Variants in SLX4IP observed in about 807,000 individuals in gnomAD.
The protein encoded by SLX4IP is SLX4 interacting protein.
A neutral mutation model predicts 32.9 loss-of-function variants in SLX4IP; 34 were observed. The ratio of observed to expected loss-of-function variants is 1.03; its 90% CI spans 0.79 to 1.38. The LOEUF (loss-of-function observed/expected upper bound fraction) is 1.38. Among genes scored for constraint, SLX4IP ranks in the 40% most tolerant of loss-of-function variants. The probability of loss-of-function intolerance (pLI) is 0.00; values close to 1 mark genes in which losing one functional copy is unlikely to be tolerated. For synonymous variants in SLX4IP, 172 were observed against 171.7 expected, an observed-to-expected ratio of 1.00 and a Z score of -0.01; for missense variants, 444 against 479.0, an observed-to-expected ratio of 0.93 and a Z score of 0.68.
At chr20:10,612,866 T>A (rs1198679117) in intron 6 of SLX4IP, 2 of 153,406 alleles carry the variant, frequency 1.3e-5, no homozygotes, top group African/African-American at 4.8e-5. Context: ...TTTTTAATCA[T>A]CATGTTTTAC....
At chr20:10,486,455 T>C (rs150351513) in intron 2 of SLX4IP, among the ~76,000 whole-genome samples, 28 of 152,266 alleles carry the variant, frequency 1.8e-4, no homozygotes, top group African/African-American at 6.7e-4. Context: ...ATGGAACTGG[T>C]GTGCCAGGCT....
rs1647321137 is a variant in SLX4IP, at chr20:10,622,667, G to T, written c.515G>T (p.Arg172Ile). 2.5e-6 allele frequency: 4 copies of T among 1,606,778 alleles called. No homozygotes were observed. Among genetic ancestry groups the T allele is most frequent in the African/African-American group, 2.7e-5 (2 of 74,888 alleles). The change falls in exon 8 of 8, where the codon AGA (arginine) becomes ATA (isoleucine). Residue 172 changes from arginine (R) to isoleucine (I), a missense_variant. Coordinates refer to ENST00000334534, the MANE Select transcript of SLX4IP (RefSeq NM_001009608.3). ...ATTTTTGTTTGTTTCAGTGTGAAAA[G>T]AACTGAAACAAAAAGCAGTGTCACG... is the stretch of plus-strand genomic sequence containing the variant. ...RRNALKEIVK[R>I]TETKSSVTSK...
intron 2 of SLX4IP, among the ~76,000 whole-genome samples, chr20:10,524,412 G>C (rs758399863): frequency 6.6e-6 from 1 of 152,090 alleles, no homozygotes; most frequent in African/African-American, 2.4e-5. Context: ...TTAGTTCCAC[G>C]TTGCCGAGAA....
At chr20:10,467,935 C>A (rs1450102607) in intron 2 of SLX4IP, among the ~76,000 whole-genome samples, 1 of 152,166 alleles carries the variant, frequency 6.6e-6, no homozygotes, top group African/African-American at 2.4e-5. Context: ...GTCCTTTCCT[C>A]ATGTGATAAT....
chr20:10,525,246 C>A (rs765344714), intron 2 of SLX4IP, among the ~76,000 whole-genome samples: 5 of 152,048 alleles, frequency 3.3e-5, no homozygotes, highest in African/African-American at 9.7e-5. Flanking sequence ...GTAGCAGACC[C>A]CTGCCTTCAG....
chr20:10,614,091 T>G (rs960303674), intron 6 of SLX4IP: 1 of 1,538,960 alleles, frequency 6.5e-7, no homozygotes, highest in Admixed American at 1.8e-5. Context: ...CCGGTCCAGG[T>G]GTACCTGCAG....
intron 4 of SLX4IP, among the ~76,000 whole-genome samples, chr20:10,576,672 A>C (rs1209340820): frequency 6.6e-6 from 1 of 152,212 alleles, no homozygotes; most frequent in Non-Finnish European, 1.5e-5. Flanking sequence ...TTGAATTTCA[A>C]TTCTGGGTCA....
At chr20:10,496,581 A>G (rs1802506357) in intron 2 of SLX4IP, among the ~76,000 whole-genome samples, 1 of 152,018 alleles carries the variant, frequency 6.6e-6, no homozygotes, top group Admixed American at 6.6e-5. Flanking sequence ...CCTCATTCTT[A>G]TAGCTTTATG....
At chr20:10,448,995 T>C (rs945498356) in intron 1 of SLX4IP, among the ~76,000 whole-genome samples, 2 of 152,242 alleles carry the variant, frequency 1.3e-5, no homozygotes, top group African/African-American at 4.8e-5. Context: ...TGAGGGCTGC[T>C]CACATATGAG....
At chr20:10,467,535 G>C (rs903504208) in intron 2 of SLX4IP, among the ~76,000 whole-genome samples, 1 of 152,122 alleles carries the variant, frequency 6.6e-6, no homozygotes, top group Non-Finnish European at 1.5e-5. Context: ...TGTATTCCTT[G>C]TAAGAGCTTT....
intron 6 of SLX4IP, among the ~76,000 whole-genome samples, chr20:10,617,887 T>G (rs531867333): frequency 6.6e-6 from 1 of 152,148 alleles, no homozygotes; most frequent in East Asian, 1.9e-4. Context: ...GCTATCCTCC[T>G]ACCTTGGCCT....
intron 1 of SLX4IP, among the ~76,000 whole-genome samples, chr20:10,446,962 A>G (rs1471856712): frequency 1.3e-5 from 2 of 151,984 alleles, no homozygotes; most frequent in Non-Finnish European, 2.9e-5. Context: ...TATGGTTTAC[A>G]TTTTCTCTGT....
chr20:10,455,404 T>C (rs1248747312), intron 1 of SLX4IP, among the ~76,000 whole-genome samples: 1 of 152,112 alleles, frequency 6.6e-6, no homozygotes. Flanking sequence ...TTGTATATAG[T>C]GTGATGTAGC....
intron 1 of SLX4IP, among the ~76,000 whole-genome samples, chr20:10,451,711 G>A (rs1264152280): frequency 1.3e-5 from 2 of 151,792 alleles, no homozygotes; most frequent in Non-Finnish European, 2.9e-5. Flanking sequence ...ACTCATGACT[G>A]TAATCCCAGC....
Position 10,458,423 on chromosome 20 carries a change from A to C in SLX4IP, c.27+192A>C, listed in dbSNP as rs139272401. Reference sequence around the variant, plus strand: ...GGATGCGCAGGTTTGTTACATAGGTAAACATGTGCCACAGTGGTTTGTTGC... The same window carrying C: ...GGATGCGCAGGTTTGTTACATAGGTCAACATGTGCCACAGTGGTTTGTTGC... On this transcript the variant is annotated intron_variant, in intron 2 of 7. Transcript: ENST00000334534. 3.9e-5 allele frequency among the ~76,000 whole-genome samples: 6 copies of C among 152,210 alleles called. No homozygotes were observed. In the East Asian group the frequency reaches 1.2e-3, roughly 29 times the overall value.
intron 6 of SLX4IP, among the ~76,000 whole-genome samples, chr20:10,617,659 T>TC (rs2067053921): frequency 6.7e-6 from 1 of 149,072 alleles, no homozygotes; most frequent in Non-Finnish European, 1.5e-5. Context: ...TTTCTTTTTT[T>TC]TTTTTTTTTT....
intron 6 of SLX4IP, among the ~76,000 whole-genome samples, chr20:10,618,848 A>C (rs888636010): frequency 6.9e-6 from 1 of 145,670 alleles, no homozygotes; most frequent in Non-Finnish European, 1.5e-5. Context: ...AGATGTGAGA[A>C]GCCTTTAGTA....
intron 2 of SLX4IP, 49 bp downstream of exon 2, chr20:10,458,280 T>C: frequency 6.7e-7 from 1 of 1,490,304 alleles, no homozygotes; most frequent in African/African-American, 1.4e-5. Flanking sequence ...CACTTTCTAA[T>C]ATAACTGAGC....
At chr20:10,505,291 G>A (rs759218417) in intron 2 of SLX4IP, among the ~76,000 whole-genome samples, 5 of 152,226 alleles carry the variant, frequency 3.3e-5, no homozygotes, top group Non-Finnish European at 5.9e-5. Context: ...CAGTTAGTCA[G>A]ATGTAGATAA....
Sources: gnomAD v4.1 joint callset for allele counts (sites outside exome capture counted in the v4.1 genomes callset) on GRCh38, gnomAD v4.1.1 for gene constraint, MANE v1.5 for transcripts, NCBI Gene and HGNC (gene_info 2026-07-23, HGNC 2026-07-21) for gene names.